Variants in SUPT3H observed in about 807,000 individuals in gnomAD.
The protein encoded by SUPT3H is SPT3 homolog, SAGA and STAGA complex component, also known as transcription initiation protein SPT3 homolog.
A neutral mutation model predicts 44.3 loss-of-function variants in SUPT3H; 44 were observed. The observed-to-expected ratio is 0.99, with a 90% CI of 0.78 to 1.28. The LOEUF is 1.28. Ranked by LOEUF, SUPT3H falls within the 50% of genes most tolerant of loss-of-function variation. SUPT3H has a pLI of 0.00. For missense variants in SUPT3H, 380 were observed against 387.1 expected, an observed-to-expected ratio of 0.98 and a Z score of 0.15; for synonymous variants, 124 against 125.6, an observed-to-expected ratio of 0.99 and a Z score of 0.09.
intron 2 of SUPT3H, among the ~76,000 whole-genome samples, chr6:45,273,163 A>G (rs1776475992): frequency 6.6e-6 from 1 of 152,170 alleles, no homozygotes; most frequent in African/African-American, 2.4e-5. Flanking sequence ...TATAAGGTGA[A>G]CCAATTGAGA....
chr6:45,170,659 A>C (rs887228996), intron 2 of SUPT3H, among the ~76,000 whole-genome samples: 3 of 151,956 alleles, frequency 2.0e-5, no homozygotes, highest in South Asian at 4.2e-4. Flanking sequence ...TTTTCTTTTT[A>C]TTTAAAATTC....
chr6:44,853,613 A>G (rs1161259526), intron 10 of SUPT3H, among the ~76,000 whole-genome samples: 1 of 152,190 alleles, frequency 6.6e-6, no homozygotes, highest in Non-Finnish European at 1.5e-5. Flanking sequence ...ACAGATTAAC[A>G]GGAGAAAAAA....
intron 1 of SUPT3H, chr6:45,372,089 G>T: frequency 1.1e-6 from 1 of 911,962 alleles, no homozygotes. Flanking sequence ...AGTGAACTGT[G>T]TTGTGAAATA....
intron 4 of SUPT3H, among the ~76,000 whole-genome samples, chr6:45,016,705 C>T (rs200404896): frequency 2.6e-5 from 4 of 151,792 alleles, no homozygotes; most frequent in African/African-American, 4.8e-5. Context: ...AGTATTCCAT[C>T]GTGTATATGT....
At chr6:45,026,901 T>C (rs1786094954) in intron 3 of SUPT3H, among the ~76,000 whole-genome samples, 2 of 152,006 alleles carry the variant, frequency 1.3e-5, no homozygotes, top group Non-Finnish European at 2.9e-5. Flanking sequence ...TTGAAATGTA[T>C]CAGAATTTAT....
chr6:44,869,571 G>T (rs1050436223), intron 10 of SUPT3H, among the ~76,000 whole-genome samples: 1 of 152,108 alleles, frequency 6.6e-6, no homozygotes, highest in Non-Finnish European at 1.5e-5. Context: ...CTATGTAAAT[G>T]CAAAAAAACC....
Position 45,355,311 on chromosome 6 carries a change from T to C in SUPT3H, c.101+9890A>G, listed in dbSNP as rs57543554. Among the ~76,000 whole-genome samples, 805 of 152,196 alleles carry C rather than the reference T, an allele frequency of 5.3e-3. 5 individuals are homozygous for C. Among genetic ancestry groups the C allele is most frequent in the African/African-American group, 0.018 (745 of 41,538 alleles). ...AATTTAATAATTAAGGTGTTAATTA[T>C]GAACTTTCTGTATTTTCTAATTTTT... On this transcript the variant is annotated intron_variant, in intron 2 of 10. Coordinates refer to ENST00000371459, the MANE Select transcript of SUPT3H (RefSeq NM_003599.4).
intron 2 of SUPT3H, among the ~76,000 whole-genome samples, chr6:45,352,308 T>C (rs887668841): frequency 3.9e-5 from 6 of 152,152 alleles, no homozygotes; most frequent in Admixed American, 1.3e-4. Context: ...AAAACTGATA[T>C]TATGTTTATG....
At chr6:45,316,652 A>G (rs1274315450) in intron 2 of SUPT3H, among the ~76,000 whole-genome samples, 1 of 152,168 alleles carries the variant, frequency 6.6e-6, no homozygotes, top group Non-Finnish European at 1.5e-5. Context: ...GAAATTTTAA[A>G]AAACTCATTA....
intron 10 of SUPT3H, among the ~76,000 whole-genome samples, chr6:44,857,882 A>G (rs934371253): frequency 6.6e-6 from 1 of 152,198 alleles, no homozygotes; most frequent in Non-Finnish European, 1.5e-5. Context: ...ATAAGTGCAA[A>G]ACAGGAGGGA....
intron 2 of SUPT3H, among the ~76,000 whole-genome samples, chr6:45,111,633 T>C (rs894163373): frequency 1.4e-4 from 21 of 151,306 alleles, no homozygotes; most frequent in African/African-American, 4.9e-4. Context: ...ATTACCCTTA[T>C]TATTTCAGTT....
intron 9 of SUPT3H, among the ~76,000 whole-genome samples, chr6:44,935,894 G>A (rs1771324849): frequency 6.6e-6 from 1 of 152,158 alleles, no homozygotes; most frequent in African/African-American, 2.4e-5. Flanking sequence ...ACTTAAAAAA[G>A]TTCTTGGCAG....
At chr6:44,949,172 T>C (rs1773862620) in intron 9 of SUPT3H, among the ~76,000 whole-genome samples, 1 of 151,942 alleles carries the variant, frequency 6.6e-6, no homozygotes, top group South Asian at 2.1e-4. Context: ...TTCTCACTCA[T>C]AGGTGGGATT....
intron 6 of SUPT3H, among the ~76,000 whole-genome samples, chr6:45,002,044 T>C (rs1437824587): frequency 2.0e-5 from 3 of 152,206 alleles, no homozygotes; most frequent in Non-Finnish European, 2.9e-5. Context: ...TTTGTTATGA[T>C]ACAAAGCTTA....
At chr6:44,860,661 T>C (rs1211693819) in intron 10 of SUPT3H, among the ~76,000 whole-genome samples, 1 of 152,156 alleles carries the variant, frequency 6.6e-6, no homozygotes, top group Non-Finnish European at 1.5e-5. Flanking sequence ...GTGATTTCAT[T>C]AACAACAAGA....
At chr6:44,904,931 G>A (rs1215718480) in intron 10 of SUPT3H, among the ~76,000 whole-genome samples, 8 of 152,112 alleles carry the variant, frequency 5.3e-5, no homozygotes, top group South Asian at 2.1e-4. Flanking sequence ...ACGATTCCCT[G>A]TTAAATTAAT....
chr6:45,193,534 A>G (rs574603740), intron 2 of SUPT3H, among the ~76,000 whole-genome samples: 2 of 152,258 alleles, frequency 1.3e-5, no homozygotes, highest in East Asian at 3.9e-4. Context: ...TTCATTGAAC[A>G]AAGTTGAGTA....
At position 45,113,371 on chromosome 6, in the gene SUPT3H, G is replaced by A. The variant is rs544263317; in HGVS notation, c.102-7365C>T. Among the ~76,000 whole-genome samples the A allele has an allele frequency of 2.5e-3, 386 of 152,238 alleles. 2 individuals carry two copies. The highest frequency in any genetic ancestry group is 7.4e-3 in the African/African-American group (306 of 41,528). On this transcript the variant is annotated intron_variant, in intron 2 of 10. Transcript: ENST00000371459. The stretch of plus-strand genomic sequence containing the variant: ...AATAAAAGTGCAGAAGTTTGGCCGT[G>A]ATCAGTCATTTAATGCAATTGGAAA...
intron 10 of SUPT3H, among the ~76,000 whole-genome samples, chr6:44,870,980 C>G (rs1178868049): frequency 5.9e-5 from 9 of 151,540 alleles, no homozygotes; most frequent in Admixed American, 5.9e-4. Context: ...TATCCCACAC[C>G]TGGCTCAGAG....
Sources: gnomAD v4.1 joint callset for allele counts (sites outside exome capture counted in the v4.1 genomes callset) on GRCh38, gnomAD v4.1.1 for gene constraint, MANE v1.5 for transcripts, NCBI Gene and HGNC (gene_info 2026-07-23, HGNC 2026-07-21) for gene names.